The following EYS variants were observed in gnomAD, a reference collection of about 807,000 sequenced individuals.
EYS encodes the protein EGF-like photoreceptor maintenance factor.
Under a neutral mutation model 282.1 loss-of-function variants are expected in EYS, and 250 were observed. That is an observed-to-expected ratio of 0.89 (90% confidence interval 0.80 to 0.98). The LOEUF (loss-of-function observed/expected upper bound fraction) is 0.98, where lower values mean the gene tolerates loss of function less well. EYS is among the 50% of genes least tolerant of loss of function. The pLI, the probability that EYS is intolerant of heterozygous loss-of-function variation, is 0.00. For synonymous variants in EYS, 1,355 were observed against 1,282.9 expected (o/e 1.06, Z -1.20); for missense variants, 4,016 against 3,709.0 (o/e 1.08, Z -2.15).
At chr6:64,656,816 C>A (rs887788698) in intron 22 of EYS, among the ~76,000 whole-genome samples, 5 of 152,086 alleles carry the variant, frequency 3.3e-5, no homozygotes, top group Admixed American at 3.3e-4. Context: ...CTGAAATAAA[C>A]AAGCTCATAA....
chr6:64,368,470 T>C (rs921959840), intron 29 of EYS, among the ~76,000 whole-genome samples: 1 of 152,134 alleles, frequency 6.6e-6, no homozygotes, highest in East Asian at 1.9e-4. Flanking sequence ...GGATTGCTTG[T>C]TGAATGGTAA....
At chr6:65,335,289 G>A in intron 10 of EYS, 143 bp from the exon 11 acceptor site, 1 of 699,416 alleles carries the variant, frequency 1.4e-6, no homozygotes. Context: ...GTAACTATTG[G>A]ACAAGGGTTC....
rs189220099 is a variant in EYS, at chr6:64,446,907, A to G, written c.5645-7555T>C. Among the ~76,000 whole-genome samples, 5 of 152,038 alleles carry G rather than the reference A, an allele frequency of 3.3e-5. No homozygotes were observed. In the East Asian group the frequency reaches 9.7e-4, roughly 29 times the overall value. On this transcript the variant is annotated intron_variant, in intron 26 of 42. Coordinates refer to ENST00000503581, the MANE Select transcript of EYS (RefSeq NM_001142800.2). ...AGGAAATATTTTGCAACCAAAATGT[A>G]AAATGATCCCTTTCTCCAGGTTTCT...
chr6:64,641,500 G>A (rs1345433484), intron 22 of EYS, among the ~76,000 whole-genome samples: 3 of 152,166 alleles, frequency 2.0e-5, no homozygotes, highest in African/African-American at 7.2e-5. Context: ...CAATGAATGG[G>A]TTCCATGCAT....
chr6:64,932,373 C>T (rs574109732), intron 15 of EYS, among the ~76,000 whole-genome samples: 1 of 152,120 alleles, frequency 6.6e-6, no homozygotes, highest in East Asian at 1.9e-4. Flanking sequence ...TAAAAATTCA[C>T]TCTTATAAAA....
At chr6:65,342,927 T>C (rs1341013540) in intron 10 of EYS, among the ~76,000 whole-genome samples, 1 of 151,048 alleles carries the variant, frequency 6.6e-6, no homozygotes, top group Non-Finnish European at 1.5e-5. Context: ...GTTACTGAAT[T>C]ATTAAGTGTA....
chr6:63,835,455 C>G (rs532149860), intron 36 of EYS, among the ~76,000 whole-genome samples: 1 of 151,840 alleles, frequency 6.6e-6, no homozygotes, highest in African/African-American at 2.4e-5. Flanking sequence ...TTAATTCTTT[C>G]GTTCTTTAAG....
At chr6:63,849,533 G>A (rs951944559) in intron 36 of EYS, among the ~76,000 whole-genome samples, 3 of 152,194 alleles carry the variant, frequency 2.0e-5, no homozygotes, top group African/African-American at 7.2e-5. Flanking sequence ...CATGCAAACA[G>A]TGTCAGGAGT....
chr6:65,463,630 A>G (rs1273613795), intron 5 of EYS, among the ~76,000 whole-genome samples: 1 of 152,330 alleles, frequency 6.6e-6, no homozygotes, highest in East Asian at 1.9e-4. Flanking sequence ...ATAATAATTC[A>G]TGATCAAATA....
intron 12 of EYS, among the ~76,000 whole-genome samples, chr6:65,213,942 C>T (rs1472509872): frequency 6.6e-6 from 1 of 151,752 alleles, no homozygotes; most frequent in Non-Finnish European, 1.5e-5. Flanking sequence ...AGGCAGATGA[C>T]GAGGTCAGGA....
rs548499410 is a variant in EYS, at chr6:64,679,649, G to T, written c.3444-53404C>A. Among the ~76,000 whole-genome samples, 3 of 152,262 alleles carry T rather than the reference G, an allele frequency of 2.0e-5. No homozygotes were observed. The South Asian group carries it at 6.2e-4, about 32-fold the overall frequency. ...ATTAAATAAGTCTCCACACCCAACT[G>T]CAGTGTGTGGGAGGGCATTTACAGC... On this transcript the variant is annotated intron_variant, in intron 22 of 42. Transcript: ENST00000503581.
At chr6:65,061,746 T>C (rs1773581431) in intron 12 of EYS, among the ~76,000 whole-genome samples, 2 of 151,982 alleles carry the variant, frequency 1.3e-5, no homozygotes, top group African/African-American at 2.4e-5. Flanking sequence ...TTCCATCATA[T>C]TCCTCAATTG....
At chr6:64,903,991 G>A (rs890722526) in intron 16 of EYS, among the ~76,000 whole-genome samples, 1 of 152,140 alleles carries the variant, frequency 6.6e-6, no homozygotes, top group Admixed American at 6.6e-5. Flanking sequence ...GCTAGAAGGT[G>A]TATTTACAGC....
intron 31 of EYS, among the ~76,000 whole-genome samples, chr6:64,201,582 C>G (rs1432329238): frequency 1.3e-5 from 2 of 151,856 alleles, no homozygotes; most frequent in Non-Finnish European, 2.9e-5. Context: ...ATATAAGAGG[C>G]CTAAATAGCC....
chr6:63,728,013 A>G (rs1768685195), intron 41 of EYS, among the ~76,000 whole-genome samples: 1 of 151,622 alleles, frequency 6.6e-6, no homozygotes, highest in Admixed American at 6.6e-5. Context: ...GGTTCCTTGG[A>G]CCACATTTTC....
At chr6:63,791,577 CAA>C (rs889736940) in intron 37 of EYS, among the ~76,000 whole-genome samples, 24 of 52,710 alleles carry the variant, frequency 4.6e-4, no homozygotes, top group Admixed American at 4.3e-4. Flanking sequence ...GACTCCCTCT[CAA>C]AAAAAAAAAA....
intron 12 of EYS, among the ~76,000 whole-genome samples, chr6:65,139,688 C>A (rs181726276): frequency 2.0e-5 from 3 of 152,068 alleles, no homozygotes; most frequent in African/African-American, 7.2e-5. Flanking sequence ...GCACTCCTCC[C>A]GTTCTTAGCC....
intron 26 of EYS, among the ~76,000 whole-genome samples, chr6:64,543,732 T>G (rs1764759068): frequency 6.6e-6 from 1 of 152,156 alleles, no homozygotes; most frequent in African/African-American, 2.4e-5. Flanking sequence ...GTTATTGAAC[T>G]TTGAGGTCCA....
chr6:63,766,649 C>T (rs1487315547), intron 40 of EYS, among the ~76,000 whole-genome samples: 1 of 152,002 alleles, frequency 6.6e-6, no homozygotes, highest in African/African-American at 2.4e-5. Flanking sequence ...GTCTTCTAAC[C>T]TTTCTAGTTT....
Sources: allele counts gnomAD v4.1 joint callset (sites outside exome capture counted in the v4.1 genomes callset), GRCh38; gene constraint gnomAD v4.1.1; transcripts MANE v1.5; gene names NCBI Gene and HGNC (gene_info 2026-07-23, HGNC 2026-07-21).